Variants in STX3 observed in about 807,000 individuals in gnomAD.
The protein encoded by STX3 is syntaxin 3, also known as syntaxin-3.
Under a neutral mutation model 40.2 loss-of-function variants are expected in STX3, and 19 were observed. That is an observed-to-expected ratio of 0.47 (90% confidence interval 0.33 to 0.69). STX3 has a LOEUF of 0.69. Ranked by LOEUF, STX3 falls within the 30% of genes least tolerant of loss-of-function variation. The probability of loss-of-function intolerance (pLI) is 0.02; values close to 1 mark genes in which losing one functional copy is unlikely to be tolerated. For synonymous variants in STX3, 122 were observed against 132.2 expected (o/e 0.92, Z 0.53); for missense variants, 364 against 366.7 (o/e 0.99, Z 0.06).
In STX3 at chr11:59,800,240, C is replaced by T. The variant is rs983122517; in HGVS notation, c.*31-615C>T. 3.8e-5 allele frequency: 37 copies of T among 985,224 alleles called. No individual in the cohort carries two copies. In the Admixed American group the frequency reaches 1.4e-3, roughly 36 times the overall value. The allele number at this position is 985,224 out of a possible 1,614,324, so 61.0% of individuals were successfully genotyped here. A position where few individuals can be genotyped will look rare whatever the true frequency, so the allele number is the denominator to read the frequency against. Reference sequence around the variant, plus strand: ...GACTCTCCTCTTCCTCCATGTCACCCAAGGGAGAGAGGTCTCTGAACAGGA... The same window carrying T: ...GACTCTCCTCTTCCTCCATGTCACCTAAGGGAGAGAGGTCTCTGAACAGGA... On this transcript the variant is annotated intron_variant, in intron 10 of 10. Coordinates refer to ENST00000337979, the MANE Select transcript of STX3 (RefSeq NM_004177.5).
chr11:59,762,539 C>G (rs1863089214), intron 1 of STX3, among the ~76,000 whole-genome samples: 1 of 152,260 alleles, frequency 6.6e-6, no homozygotes, highest in East Asian at 1.9e-4. Flanking sequence ...TTTAAGTATT[C>G]TAGAATGACC....
intron 2 of STX3, among the ~76,000 whole-genome samples, chr11:59,777,899 C>T (rs1050477364): frequency 3.9e-5 from 6 of 152,256 alleles, no homozygotes; most frequent in Non-Finnish European, 7.3e-5. Flanking sequence ...ATTGGGAAGA[C>T]TTGAACAACT....
chr11:59,755,507 GGGCCC>G lies in STX3; in HGVS notation c.-94_-90del. 1 of 1,408,064 alleles carries G rather than the reference GGGCCC, an allele frequency of 7.1e-7. No individual in the cohort carries two copies. Among genetic ancestry groups the G allele is most frequent in the Non-Finnish European group, 9.2e-7 (1 of 1,081,722 alleles). The allele number at this position is 1,408,064 out of a possible 1,614,324, so 87.2% of individuals were successfully genotyped here. A position where few individuals can be genotyped will look rare whatever the true frequency, so the allele number is the denominator to read the frequency against. On this transcript the variant is annotated 5_prime_UTR_variant, in exon 1 of 11. Coordinates refer to ENST00000337979, the MANE Select transcript of STX3 (RefSeq NM_004177.5). ...GCGCCTCCAGCTCCTTCGCCCCGGC[GGGCCC>G]GGCCGCCGCTTCCGGCAGCTCACCT... is the stretch of plus-strand genomic sequence containing the variant.
At position 59,802,615 on chromosome 11, in the gene STX3, A is replaced by C; in HGVS notation, c.*1791A>C. The stretch of plus-strand genomic sequence containing the variant: ...TTACAGTTTGGAATACAACATGTGA[A>C]GGTTTTTGTTGTTGTTTGTATTTTT... On this transcript the variant is annotated 3_prime_UTR_variant, in exon 11 of 11. Coordinates refer to ENST00000337979, the MANE Select transcript of STX3 (RefSeq NM_004177.5). 1 of 985,866 alleles carries C rather than the reference A, an allele frequency of 1.0e-6. No individual in the cohort carries two copies. The highest frequency in any genetic ancestry group is 1.2e-6 in the Non-Finnish European group (1 of 829,934). 61.1% of individuals were successfully genotyped at this position (985,866 alleles called of 1,614,324 possible). A position where few individuals can be genotyped will look rare whatever the true frequency, so the allele number is the denominator to read the frequency against.
At chr11:59,786,961 T>C in intron 2 of STX3, 76 bp from the exon 3 acceptor site, 1 of 1,319,104 alleles carries the variant, frequency 7.6e-7, no homozygotes, top group Non-Finnish European at 1.1e-6. Context: ...CACCAGCAGC[T>C]CTGCCAAACG....
chr11:59,771,051 G>A (rs1369153439), intron 1 of STX3, among the ~76,000 whole-genome samples: 1 of 152,092 alleles, frequency 6.6e-6, no homozygotes, highest in Non-Finnish European at 1.5e-5. Context: ...ACGGTTGATC[G>A]ACTCCCCCAA....
chr11:59,771,139 C>T (rs1346195606), intron 1 of STX3, among the ~76,000 whole-genome samples: 1 of 152,152 alleles, frequency 6.6e-6, no homozygotes, highest in East Asian at 1.9e-4. Flanking sequence ...CAAGTATCCA[C>T]TTCGGCTGGG....
intron 1 of STX3, among the ~76,000 whole-genome samples, chr11:59,764,553 T>C (rs1863192289): frequency 6.6e-6 from 1 of 152,176 alleles, no homozygotes. Flanking sequence ...TGGTATCTTT[T>C]TCACTCATGC....
intron 10 of STX3, chr11:59,800,289 C>T: frequency 1.0e-6 from 1 of 985,380 alleles, no homozygotes; most frequent in Non-Finnish European, 1.2e-6. Flanking sequence ...GTTTATATTT[C>T]CTAGTAATGT....
At chr11:59,779,850 T>G (rs17154149) in intron 2 of STX3, among the ~76,000 whole-genome samples, 15,817 of 152,202 alleles carry the variant, frequency 0.1, 1,153 homozygotes, top group African/African-American at 0.2. Context: ...TTGCTAGGTA[T>G]GCTTGATTTT....
chr11:59,800,234 G>GT, intron 10 of STX3: 1 of 985,320 alleles, frequency 1.0e-6, no homozygotes, highest in Non-Finnish European at 1.2e-6. Flanking sequence ...CTTCCTCCAT[G>GT]TCACCCAAGG....
At chr11:59,764,661 G>C (rs1863198197) in intron 1 of STX3, among the ~76,000 whole-genome samples, 1 of 152,162 alleles carries the variant, frequency 6.6e-6, no homozygotes, top group African/African-American at 2.4e-5. Flanking sequence ...ATGCCTTCAA[G>C]TGTGTGTAGT....
chr11:59,763,645 A>G (rs1385075690), intron 1 of STX3, among the ~76,000 whole-genome samples: 1 of 152,240 alleles, frequency 6.6e-6, no homozygotes, highest in Non-Finnish European at 1.5e-5. Context: ...AGGCTAATCC[A>G]TATTGGAAAT....
intron 1 of STX3, among the ~76,000 whole-genome samples, chr11:59,755,859 A>G (rs1253196294): frequency 6.6e-6 from 1 of 151,930 alleles, no homozygotes; most frequent in East Asian, 1.9e-4. Flanking sequence ...GAACGCCTCT[A>G]ACTCTCCCAC....
chr11:59,781,225 A>G, intron 2 of STX3: 1 of 904,570 alleles, frequency 1.1e-6, no homozygotes, highest in Admixed American at 2.4e-5. Flanking sequence ...ATGAAAAAAA[A>G]AAGAAAGAAA....
At chr11:59,795,288 T>C in intron 8 of STX3, 84 bp from the exon 9 acceptor site, 3 of 1,146,498 alleles carry the variant, frequency 2.6e-6, no homozygotes, top group Admixed American at 2.1e-5. Flanking sequence ...CACTGAAGAT[T>C]GTAAGAAAGA....
chr11:59,792,088 A>G lies in STX3; in HGVS notation c.358-19A>G, dbSNP rs750427557. The G allele has an allele frequency of 5.7e-5, 91 of 1,606,120 alleles. No individual in the cohort carries two copies. The highest frequency in any genetic ancestry group is 5.1e-6 in the Non-Finnish European group (6 of 1,173,978). The stretch of plus-strand genomic sequence containing the variant: ...TACAGAACCACTGGGGCCTGACTGC[A>G]TTTTACATCATCCCACAGCACTCTG... On this transcript the variant is annotated intron_variant, in intron 5 of 10. Transcript: ENST00000337979.
Position 59,792,373 on chromosome 11 carries a change from A to G in STX3, c.466+158A>G, listed in dbSNP as rs180945388. On this transcript the variant is annotated intron_variant, in intron 6 of 10. Transcript: ENST00000337979. ...TGGCACATCCCGAATGCTGTGCTGT[A>G]GGCTGAAAGGTGACACCGTGTTTAT... Among the ~76,000 whole-genome samples, 41 of 152,318 alleles carry G rather than the reference A, an allele frequency of 2.7e-4. No individual in the cohort carries two copies. The East Asian group carries it at 6.9e-3, about 26-fold the overall frequency.
intron 9 of STX3, among the ~76,000 whole-genome samples, chr11:59,796,865 C>A (rs937783570): frequency 2.6e-5 from 4 of 152,130 alleles, no homozygotes; most frequent in African/African-American, 7.2e-5. Flanking sequence ...AATCCCAGAA[C>A]TTTGGGAGGC....
Sources: gnomAD v4.1 joint callset for allele counts (sites outside exome capture counted in the v4.1 genomes callset) on GRCh38, gnomAD v4.1.1 for gene constraint, MANE v1.5 for transcripts, NCBI Gene and HGNC (gene_info 2026-07-23, HGNC 2026-07-21) for gene names.